Variants in MYO1E observed in about 807,000 individuals in gnomAD.
The protein encoded by MYO1E is unconventional myosin-Ie.
In MYO1E, 68 loss-of-function variants were observed where a neutral mutation model predicts 151.1. That is an observed-to-expected ratio of 0.45 (90% CI 0.37 to 0.55). The LOEUF (loss-of-function observed/expected upper bound fraction) is 0.55, where lower values mean the gene tolerates loss of function less well. Ranked by LOEUF, MYO1E falls within the 20% of genes least tolerant of loss-of-function variation. The pLI, the probability that MYO1E is intolerant of heterozygous loss-of-function variation, is 0.00. For synonymous variants in MYO1E, 601 were observed against 501.7 expected (o/e 1.20, Z -2.64); for missense variants, 1,363 against 1,389.3 (o/e 0.98, Z 0.30).
At chr15:59,247,218 CT>C (rs1205514534) in intron 4 of MYO1E, among the ~76,000 whole-genome samples, 1 of 152,042 alleles carries the variant, frequency 6.6e-6, no homozygotes, top group Non-Finnish European at 1.5e-5. Flanking sequence ...AAAAAAGCAC[CT>C]GTATTTGTGG....
chr15:59,190,850 C>A (rs563876442), intron 17 of MYO1E, among the ~76,000 whole-genome samples: 6 of 152,164 alleles, frequency 3.9e-5, no homozygotes, highest in African/African-American at 1.4e-4. Flanking sequence ...GGATTTTTCA[C>A]AGCACAGGGA....
intron 1 of MYO1E, among the ~76,000 whole-genome samples, chr15:59,303,004 A>AC (rs1459733394): frequency 3.3e-5 from 5 of 152,082 alleles, no homozygotes; most frequent in African/African-American, 4.8e-5. Flanking sequence ...TGGTGAGAAT[A>AC]CCCCTCAGAA....
intron 24 of MYO1E, among the ~76,000 whole-genome samples, chr15:59,160,563 C>T (rs1469751612): frequency 2.0e-5 from 3 of 151,876 alleles, no homozygotes; most frequent in Non-Finnish European, 2.9e-5. Flanking sequence ...GCATGCACCA[C>T]CATGCCTGGC....
chr15:59,367,490 G>A (rs2080921229), intron 1 of MYO1E, among the ~76,000 whole-genome samples: 3 of 152,154 alleles, frequency 2.0e-5, no homozygotes, highest in South Asian at 2.1e-4. Flanking sequence ...CTCACCACTC[G>A]TGGAACCATC....
chr15:59,348,637 T>C (rs1196369330), intron 1 of MYO1E: 3 of 138,704 alleles, frequency 2.2e-5, no homozygotes, highest in Non-Finnish European at 4.6e-5. Flanking sequence ...TCAATATCAT[T>C]TTTTTTTTTT....
chr15:59,203,560 G>C (rs573138754), intron 15 of MYO1E, among the ~76,000 whole-genome samples: 2 of 152,248 alleles, frequency 1.3e-5, no homozygotes, highest in African/African-American at 4.8e-5. Flanking sequence ...ATCGTTAGTA[G>C]AGACGGGGTT....
chr15:59,158,764 G>T (rs1325089912), intron 24 of MYO1E, among the ~76,000 whole-genome samples: 1 of 152,246 alleles, frequency 6.6e-6, no homozygotes, highest in Non-Finnish European at 1.5e-5. Context: ...GATCAACGGG[G>T]TTGGCATGAA....
At chr15:59,167,421 G>C (rs1451548572) in intron 22 of MYO1E, among the ~76,000 whole-genome samples, 1 of 152,112 alleles carries the variant, frequency 6.6e-6, no homozygotes, top group African/African-American at 2.4e-5. Flanking sequence ...GCAAAGCCAA[G>C]AACATGGGTC....
intron 22 of MYO1E, among the ~76,000 whole-genome samples, chr15:59,165,689 A>C (rs1448658807): frequency 6.6e-6 from 1 of 152,232 alleles, no homozygotes; most frequent in African/African-American, 2.4e-5. Flanking sequence ...CTAAAACCCC[A>C]AAAAGCACTT....
intron 1 of MYO1E, among the ~76,000 whole-genome samples, chr15:59,284,625 A>G (rs1471832413): frequency 6.9e-6 from 1 of 144,296 alleles, no homozygotes; most frequent in East Asian, 2.0e-4. Flanking sequence ...GTGTTTCTCT[A>G]CCAAAAAAAA....
intron 2 of MYO1E, among the ~76,000 whole-genome samples, chr15:59,264,307 A>T (rs1167270071): frequency 1.3e-5 from 2 of 152,220 alleles, no homozygotes; most frequent in Non-Finnish European, 2.9e-5. Flanking sequence ...ACACACTATA[A>T]GTGGCAGAGC....
intron 1 of MYO1E, among the ~76,000 whole-genome samples, chr15:59,304,542 A>T (rs1318249113): frequency 2.0e-5 from 3 of 152,234 alleles, no homozygotes; most frequent in Non-Finnish European, 2.9e-5. Context: ...TTTAGGTATG[A>T]CACAAAATAA....
chr15:59,328,934 G>A (rs1196187821), intron 1 of MYO1E, among the ~76,000 whole-genome samples: 1 of 152,130 alleles, frequency 6.6e-6, no homozygotes, highest in Admixed American at 6.5e-5. Flanking sequence ...GTTCAGAGAG[G>A]TTAAGAAACT....
intron 25 of MYO1E, among the ~76,000 whole-genome samples, chr15:59,156,435 T>C (rs2079510170): frequency 6.6e-6 from 1 of 152,230 alleles, no homozygotes; most frequent in Non-Finnish European, 1.5e-5. Context: ...TCTGCTCGTC[T>C]TGGTCTCCCA....
At position 59,203,722 on chromosome 15, in the gene MYO1E, G is replaced by A. The variant is rs541981694; in HGVS notation, c.1617-1315C>T. Reference sequence around the variant, plus strand: ...CTATTTGAGCTGCATGTGTTTATACGTCTGCCTCACTAGCAACAGGGCAGG... The same window carrying A: ...CTATTTGAGCTGCATGTGTTTATACATCTGCCTCACTAGCAACAGGGCAGG... On this transcript the variant is annotated intron_variant, in intron 15 of 27. Transcript: ENST00000288235. Among the ~76,000 whole-genome samples the A allele has an allele frequency of 7.2e-5, 11 of 152,260 alleles. No homozygotes were observed. In the South Asian group the frequency reaches 1.7e-3, roughly 23 times the overall value.
chr15:59,326,245 C>G (rs1022736569), intron 1 of MYO1E, among the ~76,000 whole-genome samples: 8 of 151,916 alleles, frequency 5.3e-5, no homozygotes, highest in Non-Finnish European at 1.2e-4. Flanking sequence ...GTGGGACGGG[C>G]ATGGTGGCTC....
chr15:59,242,712 A>C (rs947676334), intron 4 of MYO1E, among the ~76,000 whole-genome samples: 4 of 152,216 alleles, frequency 2.6e-5, no homozygotes, highest in Admixed American at 2.6e-4. Flanking sequence ...ATATCCCCAC[A>C]AAATACACAT....
intron 26 of MYO1E, among the ~76,000 whole-genome samples, chr15:59,143,999 TC>T (rs1184096868): frequency 6.6e-6 from 1 of 152,024 alleles, no homozygotes; most frequent in Non-Finnish European, 1.5e-5. Flanking sequence ...TTTGGCTAAC[TC>T]CCCCTGAGAT....
rs139996304 is a variant in MYO1E, at chr15:59,209,230, A to T, written c.1363-382T>A. Reference sequence around the variant, plus strand: ...TCAGCGTGTTACCCATATAGGCATCATTTCGGTAGTTATTTAGTGTACACA... The same window carrying T: ...TCAGCGTGTTACCCATATAGGCATCTTTTCGGTAGTTATTTAGTGTACACA... On this transcript the variant is annotated intron_variant, in intron 13 of 27. Coordinates refer to ENST00000288235, the MANE Select transcript of MYO1E (RefSeq NM_004998.4). 7.4e-4 allele frequency among the ~76,000 whole-genome samples: 113 copies of T among 152,300 alleles called. 1 individual carries two copies. The highest frequency in any genetic ancestry group is 2.6e-3 in the African/African-American group (109 of 41,556).
Sources: allele counts gnomAD v4.1 joint callset (sites outside exome capture counted in the v4.1 genomes callset), GRCh38; gene constraint gnomAD v4.1.1; transcripts MANE v1.5; gene names NCBI Gene and HGNC (gene_info 2026-07-23, HGNC 2026-07-21).